CNTNAP5: variants seen among roughly 807,000 people sequenced by gnomAD.
CNTNAP5 encodes the protein contactin associated protein family member 5.
CNTNAP5 carries 72 observed loss-of-function variants against 150.2 expected under a neutral mutation model. That is an observed-to-expected ratio of 0.48 (90% confidence interval 0.40 to 0.58). The LOEUF is 0.58. CNTNAP5 is among the 20% of genes least tolerant of loss of function. The pLI is 0.00. For missense variants in CNTNAP5, 1,636 were observed against 1,626.2 expected, an observed-to-expected ratio of 1.01 and a Z score of -0.10; for synonymous variants, 672 against 619.8, an observed-to-expected ratio of 1.08 and a Z score of -1.25.
chr2:124,910,636 T>C (rs1678635664), intron 22 of CNTNAP5, among the ~76,000 whole-genome samples: 1 of 152,016 alleles, frequency 6.6e-6, no homozygotes, highest in South Asian at 2.1e-4. Flanking sequence ...GCCTCTTTCA[T>C]GAATGATCTG....
In CNTNAP5 at chr2:124,058,613, T is replaced by G. The variant is rs560946469; in HGVS notation, c.82+32881T>G. Among the ~76,000 whole-genome samples, 30 of 152,242 alleles carry G rather than the reference T, an allele frequency of 2.0e-4. No individual in the cohort carries two copies. In the South Asian group the frequency reaches 2.9e-3, roughly 15 times the overall value. ...TACCATTGTATATATCTCACTGCAT[T>G]TAAATGTTTGGTAATTTGCCTGTCG... is the stretch of plus-strand genomic sequence containing the variant. On this transcript the variant is annotated intron_variant, in intron 1 of 23. Coordinates refer to ENST00000682447, the MANE Select transcript of CNTNAP5 (RefSeq NM_001367498.1).
At chr2:124,091,715 C>T (rs963347999) in intron 1 of CNTNAP5, among the ~76,000 whole-genome samples, 5 of 152,228 alleles carry the variant, frequency 3.3e-5, no homozygotes, top group East Asian at 1.9e-4. Context: ...ACCCCACACA[C>T]GTTTATAGAA....
intron 5 of CNTNAP5, among the ~76,000 whole-genome samples, chr2:124,438,032 G>A (rs1320841128): frequency 1.3e-5 from 2 of 152,126 alleles, no homozygotes; most frequent in Non-Finnish European, 2.9e-5. Flanking sequence ...TGGCACTGGG[G>A]ACATACATAG....
At chr2:124,542,854 C>T (rs1465721861) in intron 10 of CNTNAP5, among the ~76,000 whole-genome samples, 1 of 152,258 alleles carries the variant, frequency 6.6e-6, no homozygotes, top group Admixed American at 6.5e-5. Context: ...AGCATCTGCT[C>T]TCAGTAGCTG....
chr2:124,490,206 C>T (rs2104848664), intron 7 of CNTNAP5, among the ~76,000 whole-genome samples: 1 of 152,004 alleles, frequency 6.6e-6, no homozygotes, highest in East Asian at 1.9e-4. Flanking sequence ...TGGTGGTGTA[C>T]ACCTATAGTC....
chr2:124,266,071 A>G (rs1687599508), intron 3 of CNTNAP5, among the ~76,000 whole-genome samples: 1 of 152,150 alleles, frequency 6.6e-6, no homozygotes, highest in African/African-American at 2.4e-5. Context: ...TAATCTTGCC[A>G]AAGCTTAGTC....
At chr2:124,544,947 T>C (rs1695479333) in intron 10 of CNTNAP5, among the ~76,000 whole-genome samples, 1 of 152,144 alleles carries the variant, frequency 6.6e-6, no homozygotes, top group African/African-American at 2.4e-5. Context: ...AGACAAGGGC[T>C]TATCACTATT....
intron 3 of CNTNAP5, among the ~76,000 whole-genome samples, chr2:124,284,298 G>A (rs182958594): frequency 4.3e-4 from 65 of 152,238 alleles, no homozygotes; most frequent in African/African-American, 1.3e-3. Context: ...GCTACTGCCT[G>A]GGGAACCATT....
intron 7 of CNTNAP5, among the ~76,000 whole-genome samples, chr2:124,495,038 T>C (rs1018846759): frequency 2.0e-5 from 3 of 152,206 alleles, no homozygotes; most frequent in Non-Finnish European, 2.9e-5. Context: ...CATGGTCCTA[T>C]GCCTACATAT....
intron 1 of CNTNAP5, among the ~76,000 whole-genome samples, chr2:124,076,010 G>T (rs149735630): frequency 6.6e-6 from 1 of 152,230 alleles, no homozygotes; most frequent in East Asian, 1.9e-4. Flanking sequence ...TCTGAAGTAG[G>T]AATTATGAGT....
chr2:124,489,928 A>G (rs1405897127), intron 7 of CNTNAP5, among the ~76,000 whole-genome samples: 2 of 152,174 alleles, frequency 1.3e-5, no homozygotes, highest in Admixed American at 6.5e-5. Flanking sequence ...TGACTTAGTC[A>G]CCTGAAAATA....
intron 2 of CNTNAP5, 39 bp downstream of exon 2, chr2:124,221,848 A>G: frequency 7.5e-7 from 1 of 1,331,316 alleles, no homozygotes; most frequent in Non-Finnish European, 1.1e-6. Flanking sequence ...CAAGCACTAA[A>G]TAATTACGTG....
chr2:124,829,271 A>C (rs1451170244), intron 19 of CNTNAP5, among the ~76,000 whole-genome samples: 1 of 152,152 alleles, frequency 6.6e-6, no homozygotes, highest in Non-Finnish European at 1.5e-5. Flanking sequence ...TTTGTCTCAC[A>C]AGATCCCCCC....
intron 1 of CNTNAP5, among the ~76,000 whole-genome samples, chr2:124,132,768 A>T (rs1286939870): frequency 6.6e-6 from 1 of 152,120 alleles, no homozygotes; most frequent in Non-Finnish European, 1.5e-5. Context: ...TGTTCTGTCC[A>T]CTGCAGGGGG....
intron 19 of CNTNAP5, among the ~76,000 whole-genome samples, chr2:124,827,758 T>C (rs1682628831): frequency 1.3e-5 from 2 of 152,362 alleles, no homozygotes; most frequent in South Asian, 4.1e-4. Context: ...AGTAGCTCTA[T>C]GTTAGGCTCA....
chr2:124,156,275 G>A (rs1919836), intron 1 of CNTNAP5, among the ~76,000 whole-genome samples: 147,460 of 152,232 alleles, frequency 0.97, 71,594 homozygotes, highest in East Asian at 1. Context: ...GACTTGAATC[G>A]CAGGGCAGTC....
chr2:124,804,190 A>G (rs1264999586), intron 19 of CNTNAP5, among the ~76,000 whole-genome samples: 1 of 152,204 alleles, frequency 6.6e-6, no homozygotes, highest in East Asian at 1.9e-4. Flanking sequence ...TGAGGTTATG[A>G]GACACTGTGA....
chr2:124,212,996 G>A (rs377666180), intron 1 of CNTNAP5, among the ~76,000 whole-genome samples: 1 of 151,620 alleles, frequency 6.6e-6, no homozygotes, highest in African/African-American at 2.4e-5. Context: ...CTGGCACCAC[G>A]CCCGGCTAAT....
intron 12 of CNTNAP5, among the ~76,000 whole-genome samples, chr2:124,627,129 G>C (rs1677741230): frequency 6.6e-6 from 1 of 152,152 alleles, no homozygotes; most frequent in Non-Finnish European, 1.5e-5. Flanking sequence ...CGTCATCTCA[G>C]GTTCAGCAGA....
Sources: gnomAD v4.1 joint callset for allele counts (sites outside exome capture counted in the v4.1 genomes callset) on GRCh38, gnomAD v4.1.1 for gene constraint, MANE v1.5 for transcripts, NCBI Gene and HGNC (gene_info 2026-07-23, HGNC 2026-07-21) for gene names.